MINDY4B: variants seen among roughly 807,000 people sequenced by gnomAD.
MINDY4B encodes the protein inactive ubiquitin carboxyl-terminal hydrolase MINDY-4B.
Under a neutral mutation model 16.7 loss-of-function variants are expected in MINDY4B, and 25 were observed. The observed-to-expected ratio is 1.49, with a 90% CI of 1.09 to 2.09. The LOEUF is 2.09. Among genes scored for constraint, MINDY4B ranks in the 30% most tolerant of loss-of-function variants. The pLI, the probability that MINDY4B is intolerant of heterozygous loss-of-function variation, is 0.00. For missense variants in MINDY4B, 327 were observed against 168.4 expected, an observed-to-expected ratio of 1.94 and a Z score of -5.21; for synonymous variants, 132 against 61.9, an observed-to-expected ratio of 2.13 and a Z score of -5.32.
At chr3:150,898,845 G>A (rs527404304) in intron 3 of MINDY4B, among the ~76,000 whole-genome samples, 1 of 152,136 alleles carries the variant, frequency 6.6e-6, no homozygotes, top group African/African-American at 2.4e-5. Flanking sequence ...CTTTCCAACA[G>A]GGTTAATGTT....
chr3:150,888,983 C>T (rs753005870), intron 7 of MINDY4B, among the ~76,000 whole-genome samples: 8 of 152,152 alleles, frequency 5.3e-5, no homozygotes, highest in Non-Finnish European at 8.8e-5. Flanking sequence ...TTAAATGGAT[C>T]CTCTATATCT....
At chr3:150,897,370 G>A (rs1712003896) in intron 3 of MINDY4B, among the ~76,000 whole-genome samples, 1 of 119,838 alleles carries the variant, frequency 8.3e-6, no homozygotes, top group Non-Finnish European at 1.7e-5. Context: ...TGTGTGTGTA[G>A]GCCAAGGGGT....
In MINDY4B at chr3:150,902,897, A is replaced by G. The variant is rs541064453; in HGVS notation, c.309+352T>C. Among the ~76,000 whole-genome samples the G allele has an allele frequency of 1.9e-4, 29 of 152,048 alleles. No homozygotes were observed. In the South Asian group the frequency reaches 5.6e-3, roughly 29 times the overall value. On this transcript the variant is annotated intron_variant, in intron 3 of 11. Coordinates refer to ENST00000465419, the MANE Select transcript of MINDY4B (RefSeq NM_001351281.2). ...GTGGGGTACTTTCTTACACATCTACATTGTCTTACGCATTTGCAGCGCTCC... is the reference window on the plus strand; with the variant it reads ...GTGGGGTACTTTCTTACACATCTACGTTGTCTTACGCATTTGCAGCGCTCC...
Position 150,903,390 on chromosome 3 carries a change from A to T in MINDY4B, c.168T>A (p.Ala56=), listed in dbSNP as rs77080899. The stretch of plus-strand genomic sequence containing the variant: ...GTCCTGTTCCATCTTCATTTTCATC[A>T]GCAGATGTATGGTTGCCTTCATGAT... ...PQNHEGNHTS[A]DENEDGTGLS... Residue 56 remains alanine (A), a synonymous_variant, in exon 3 of 12, where the codon GCT becomes GCA. Coordinates refer to ENST00000465419, the MANE Select transcript of MINDY4B (RefSeq NM_001351281.2). 2.7e-3 allele frequency: 1,069 copies of T among 398,576 alleles called. 8 individuals are homozygous for T. Among genetic ancestry groups the T allele is most frequent in the African/African-American group, 0.02 (992 of 48,756 alleles). 24.7% of individuals were successfully genotyped at this position (398,576 alleles called of 1,614,324 possible). A position where few individuals can be genotyped will look rare whatever the true frequency, so the allele number is the denominator to read the frequency against.
Position 150,883,764 on chromosome 3 carries a change from A to G in MINDY4B, c.833T>C (p.Met278Thr). The change falls in exon 9 of 12, where the codon ATG (methionine) becomes ACG (threonine). Residue 278 changes from methionine (M) to threonine (T), a missense_variant. Met to Thr is a moderately conservative substitution (Grantham distance 81). Transcript: ENST00000465419. ...IFSRTFERLQMDLDVTTTQLL... is the reference protein window; with the variant it reads ...IFSRTFERLQTDLDVTTTQLL... Reference sequence around the variant, plus strand: ...CTGAGTGGTGGTGACATCTAGGTCCATTTGAAGCCTGCAGAGTGGGAGAAG... The same window carrying G: ...CTGAGTGGTGGTGACATCTAGGTCCGTTTGAAGCCTGCAGAGTGGGAGAAG... The G allele has an allele frequency of 4.3e-6, 3 of 702,788 alleles. No homozygotes were observed. Among genetic ancestry groups the G allele is most frequent in the Admixed American group, 2.0e-5 (1 of 50,004 alleles). 43.5% of individuals were successfully genotyped at this position (702,788 alleles called of 1,614,324 possible).
In MINDY4B at chr3:150,883,029, T is replaced by C. The variant is rs1200224735; in HGVS notation, c.927A>G (p.Arg309=). ...AGCCATTGAAGACATTGGGACTTGC[T>C]CTTCCAGTTAAAATCATGTTCAGAA... is the stretch of plus-strand genomic sequence containing the variant. ...QAVLNMILTG[R]ASPNVFNGCE... is the part of the protein sequence containing the mutation. The change falls in exon 10 of 12, where the codon AGA becomes AGG. Residue 309 remains arginine (R), a synonymous_variant. Coordinates refer to ENST00000465419, the MANE Select transcript of MINDY4B (RefSeq NM_001351281.2). 1.4e-6 allele frequency: 1 copy of C among 702,130 alleles called. No homozygotes were observed. The highest frequency in any genetic ancestry group is 2.6e-6 in the Non-Finnish European group (1 of 384,428). The allele number at this position is 702,130 out of a possible 1,614,324, so 43.5% of individuals were successfully genotyped here.
chr3:150,896,866 A>G (rs1444358245), intron 3 of MINDY4B, among the ~76,000 whole-genome samples: 6 of 152,200 alleles, frequency 3.9e-5, no homozygotes, highest in African/African-American at 1.4e-4. Flanking sequence ...TTTAAGAAGG[A>G]CACTTTACAT....
intron 10 of MINDY4B, among the ~76,000 whole-genome samples, chr3:150,875,621 C>A (rs1198861124): frequency 6.6e-6 from 1 of 152,142 alleles, no homozygotes; most frequent in African/African-American, 2.4e-5. Flanking sequence ...TTCCTGAGCT[C>A]AAAGCTACTC....
At chr3:150,889,971 CTTATT>C (rs1474238645) in intron 7 of MINDY4B, among the ~76,000 whole-genome samples, 3 of 152,192 alleles carry the variant, frequency 2.0e-5, no homozygotes, top group Middle Eastern at 3.4e-3. Flanking sequence ...AGACAAGAAC[CTTATT>C]TTATTTTATT....
Position 150,871,088 on chromosome 3 carries a change from C to A in MINDY4B, c.1340G>T (p.Ser447Ile), listed in dbSNP as rs1486774983. 1 of 702,782 alleles carries A rather than the reference C, an allele frequency of 1.4e-6. No homozygotes were observed. The highest frequency in any genetic ancestry group is 2.6e-6 in the Non-Finnish European group (1 of 384,874). The allele number at this position is 702,782 out of a possible 1,614,324, so 43.5% of individuals were successfully genotyped here. A position where few individuals can be genotyped will look rare whatever the true frequency, so the allele number is the denominator to read the frequency against. ...CCCATTCCAGTTGATGGTGGCCTCG[C>A]TCCACTTGGTTCTGATTGCCATCTC... ...PVEMAIRTKW[S>I]EATINWNGTV... Residue 447 changes from serine (S) to isoleucine (I), a missense_variant, in exon 12 of 12, where the codon AGC becomes ATC. By Grantham distance (142) the Ser-to-Ile change is moderately radical. Coordinates refer to ENST00000465419, the MANE Select transcript of MINDY4B (RefSeq NM_001351281.2).
intron 7 of MINDY4B, among the ~76,000 whole-genome samples, chr3:150,886,175 C>A (rs1167623720): frequency 6.6e-6 from 1 of 152,208 alleles, no homozygotes; most frequent in East Asian, 1.9e-4. Flanking sequence ...ACATTCAGGG[C>A]TTCTCATCAG....
chr3:150,873,307 A>C lies in MINDY4B; in HGVS notation c.1120T>G (p.Tyr374Asp). 1 of 702,888 alleles carries C rather than the reference A, an allele frequency of 1.4e-6. No individual in the cohort carries two copies. The highest frequency in any genetic ancestry group is 1.5e-5 in the South Asian group (1 of 67,600). 43.5% of individuals were successfully genotyped at this position (702,888 alleles called of 1,614,324 possible). A position where few individuals can be genotyped will look rare whatever the true frequency, so the allele number is the denominator to read the frequency against. Reference protein sequence around the residue: ...PIWLCNINGNYSILFCTNRQL... With the variant: ...PIWLCNINGNDSILFCTNRQL... The stretch of plus-strand genomic sequence containing the variant: ...CTGTTTGTGCAAAAAAGGATGCTGT[A>C]ATTTCCATTGATGTTGCACAGCCAA... Residue 374 changes from tyrosine to aspartate, a missense_variant, in exon 11 of 12, where the codon TAC becomes GAC. Tyr to Asp is a radical substitution (Grantham distance 160). Coordinates refer to ENST00000465419, the MANE Select transcript of MINDY4B (RefSeq NM_001351281.2).
At chr3:150,895,373 C>T (rs928450211) in intron 3 of MINDY4B, among the ~76,000 whole-genome samples, 2 of 152,186 alleles carry the variant, frequency 1.3e-5, no homozygotes, top group Admixed American at 1.3e-4. Flanking sequence ...CCAATCTGTT[C>T]TAGCTTGTAG....
intron 8 of MINDY4B, among the ~76,000 whole-genome samples, chr3:150,884,722 A>G (rs571642650): frequency 1.3e-5 from 2 of 152,214 alleles, no homozygotes; most frequent in Non-Finnish European, 2.9e-5. Context: ...AGAGACCTCT[A>G]TTTCTGACTC....
At chr3:150,890,184 C>G in intron 7 of MINDY4B, 136 bp downstream of exon 7, 1 of 420,556 alleles carries the variant, frequency 2.4e-6, no homozygotes, top group Non-Finnish European at 4.2e-6. Context: ...TTTGTTCTCT[C>G]ATTCTGCCCT....
At chr3:150,889,176 TAGAAGTC>T (rs1274887742) in intron 7 of MINDY4B, among the ~76,000 whole-genome samples, 1 of 152,268 alleles carries the variant, frequency 6.6e-6, no homozygotes, top group Non-Finnish European at 1.5e-5. Context: ...CTTACAGTTC[TAGAAGTC>T]AGAAGTCTGA....
At chr3:150,873,873 G>A (rs1026057386) in intron 10 of MINDY4B, among the ~76,000 whole-genome samples, 12 of 152,222 alleles carry the variant, frequency 7.9e-5, no homozygotes, top group African/African-American at 2.9e-4. Context: ...TCTGGAAAAT[G>A]AGGGAAACAC....
At position 150,887,045 on chromosome 3, in the gene MINDY4B, AATAG is replaced by A. The variant is rs1340275605; in HGVS notation, c.754-1611_754-1608del. Among the ~76,000 whole-genome samples the A allele has an allele frequency of 2.6e-5, 4 of 152,368 alleles. No individual in the cohort carries two copies. In the South Asian group the frequency reaches 6.2e-4, roughly 24 times the overall value. On this transcript the variant is annotated intron_variant, in intron 7 of 11. Transcript: ENST00000465419. The stretch of plus-strand genomic sequence containing the variant: ...GAAAAAGTTTTACATTAGGCACAGT[AATAG>A]ATTAACAACAATAATAATAGTGTAG...
intron 2 of MINDY4B, 89 bp from the exon 3 acceptor site, chr3:150,903,505 C>T (rs879696505): frequency 1.5e-5 from 6 of 397,230 alleles, no homozygotes; most frequent in Non-Finnish European, 2.7e-5. Flanking sequence ...TCTGAAATAC[C>T]AGTGTTCAGA....
Sources: allele counts gnomAD v4.1 joint callset (sites outside exome capture counted in the v4.1 genomes callset), GRCh38; gene constraint gnomAD v4.1.1; transcripts MANE v1.5; gene names NCBI Gene and HGNC (gene_info 2026-07-23, HGNC 2026-07-21).